The following KDM4C variants were observed in gnomAD, a reference collection of about 807,000 sequenced individuals.
The protein encoded by KDM4C is lysine-specific demethylase 4C.
A neutral mutation model predicts 129.3 loss-of-function variants in KDM4C; 81 were observed. The observed-to-expected ratio is 0.63, with a 90% confidence interval of 0.52 to 0.75. The LOEUF (loss-of-function observed/expected upper bound fraction) is 0.75. Among genes scored for constraint, KDM4C ranks in the 30% least tolerant of loss-of-function variants. The pLI is 0.00. For missense variants in KDM4C, 1,457 were observed against 1,304.0 expected (o/e 1.12, Z -1.81); for synonymous variants, 573 against 456.1 (o/e 1.26, Z -3.26).
At position 6,724,510 on chromosome 9, in the gene KDM4C, G is replaced by A. The variant is rs143870594; in HGVS notation, c.49+3513G>A. Among the ~76,000 whole-genome samples the A allele has an allele frequency of 1.8e-3, 273 of 152,044 alleles. 1 individual carries two copies. The highest frequency in any genetic ancestry group is 6.3e-3 in the African/African-American group (262 of 41,432). On this transcript the variant is annotated intron_variant, in intron 1 of 17. Coordinates refer to the KDM4C transcript ENST00000536108. ...GGTATATCCAAGAAAGAAGTAAACT[G>A]GACATATTATTATTATTGTTATTAT...
chr9:6,991,775 C>G (rs930921428), intron 12 of KDM4C, among the ~76,000 whole-genome samples: 1 of 152,174 alleles, frequency 6.6e-6, no homozygotes, highest in African/African-American at 2.4e-5. Flanking sequence ...GTGGCTGACT[C>G]CTGCAGTCCC....
In KDM4C at chr9:6,836,407, T is replaced by G. The variant is rs184701496; in HGVS notation, c.436-13100T>G. Among the ~76,000 whole-genome samples the G allele has an allele frequency of 8.4e-3, 1,282 of 152,298 alleles. 10 individuals are homozygous for G. Among genetic ancestry groups the G allele is most frequent in the South Asian group, 0.013 (62 of 4,826 alleles). ...ATAAATAAATCAGCTTGTTGAAATCTTAATATTTGATTTATATATGTACAA... is the reference window on the plus strand; with the variant it reads ...ATAAATAAATCAGCTTGTTGAAATCGTAATATTTGATTTATATATGTACAA... On this transcript the variant is annotated intron_variant, in intron 4 of 21. Coordinates refer to ENST00000381309, the MANE Select transcript of KDM4C (RefSeq NM_015061.6).
intron 4 of KDM4C, among the ~76,000 whole-genome samples, chr9:6,826,196 G>A (rs1189712269): frequency 1.4e-5 from 2 of 145,356 alleles, no homozygotes; most frequent in African/African-American, 5.1e-5. Flanking sequence ...TTTTTGCTAT[G>A]CTCGTACTAG....
intron 1 of KDM4C, among the ~76,000 whole-genome samples, chr9:6,724,358 A>AG (rs1474164160): frequency 1.3e-5 from 2 of 152,146 alleles, no homozygotes; most frequent in Non-Finnish European, 2.9e-5. Context: ...TTGGACACTT[A>AG]GACACTAACA....
intron 17 of KDM4C, among the ~76,000 whole-genome samples, chr9:7,079,610 C>T (rs974741787): frequency 5.3e-5 from 8 of 152,346 alleles, no homozygotes; most frequent in Middle Eastern, 3.4e-3. Flanking sequence ...GCGTGAGCCA[C>T]GGCACCCAGC....
Position 6,788,586 on chromosome 9 carries a change from T to C in KDM4C, c.-17-4386T>C, listed in dbSNP as rs190028134. 1.6e-3 allele frequency among the ~76,000 whole-genome samples: 251 copies of C among 152,368 alleles called. 1 individual carries two copies. Among genetic ancestry groups the C allele is most frequent in the Admixed American group, 2.0e-3 (30 of 15,302 alleles). On this transcript the variant is annotated intron_variant, in intron 1 of 21. Transcript: ENST00000381309. The stretch of plus-strand genomic sequence containing the variant: ...TGAATTTGGTATCATTATGTAAATA[T>C]GTTAACAATTTGGCACTTACTCCTT...
At chr9:6,794,661 A>T (rs939325483) in intron 2 of KDM4C, among the ~76,000 whole-genome samples, 8 of 152,282 alleles carry the variant, frequency 5.3e-5, no homozygotes, top group African/African-American at 1.7e-4. Context: ...CAGACCAGTG[A>T]AGATGGGAGA....
chr9:6,954,510 C>G (rs1367426583), intron 8 of KDM4C, among the ~76,000 whole-genome samples: 1 of 152,086 alleles, frequency 6.6e-6, no homozygotes, highest in Non-Finnish European at 1.5e-5. Context: ...TTTTATTTGT[C>G]TGTTCACGAT....
At position 6,820,712 on chromosome 9, in the gene KDM4C, CTCTTTTT is replaced by C. The variant is rs1417412455; in HGVS notation, c.435+5969_435+5975del. On this transcript the variant is annotated intron_variant, in intron 4 of 21. Transcript: ENST00000381309. ...CTTGTGTCTTGATCTCTCTCTCTCT[CTCTTTTT>C]TTTTTTTTTTTTTTTGATAATACTT... is the stretch of plus-strand genomic sequence containing the variant. 4.6e-4 allele frequency among the ~76,000 whole-genome samples: 47 copies of C among 102,558 alleles called. No individual in the cohort carries two copies. The South Asian group carries it at 7.1e-3, about 16-fold the overall frequency. 67.3% of individuals were successfully genotyped at this position (102,558 alleles called of 152,430 possible). A position where few individuals can be genotyped will look rare whatever the true frequency, so the allele number is the denominator to read the frequency against.
Position 6,793,272 on chromosome 9 carries a change from T to G in KDM4C, c.144+140T>G, listed in dbSNP as rs962624851. 3 of 777,266 alleles carry G rather than the reference T, an allele frequency of 3.9e-6. No homozygotes were observed. The Admixed American group carries it at 8.3e-5, about 21-fold the overall frequency. The allele number at this position is 777,266 out of a possible 1,614,324, so 48.1% of individuals were successfully genotyped here. A position where few individuals can be genotyped will look rare whatever the true frequency, so the allele number is the denominator to read the frequency against. ...TTCTCGTTAATCCATGTGAAACATTTGATTTCTTCAAATAGTAATTGTCTT... is the reference window on the plus strand; with the variant it reads ...TTCTCGTTAATCCATGTGAAACATTGGATTTCTTCAAATAGTAATTGTCTT... On this transcript the variant is annotated intron_variant, in intron 2 of 21. Transcript: ENST00000381309.
rs1206853030 is a variant in KDM4C, at chr9:6,732,076, A to ATGAGGC, written c.49+11082_49+11087dup. ...CACCTAAAATCAAATAGATCAAAGA[A>ATGAGGC]TGAGGCTGGGGCTGGGTGTGGTGGC... is the stretch of plus-strand genomic sequence containing the variant. On this transcript the variant is annotated intron_variant, in intron 1 of 17. Coordinates refer to the KDM4C transcript ENST00000536108. Among the ~76,000 whole-genome samples the ATGAGGC allele has an allele frequency of 2.6e-5, 4 of 152,168 alleles. No individual in the cohort carries two copies. The East Asian group carries it at 7.7e-4, about 29-fold the overall frequency.
intron 4 of KDM4C, chr9:6,835,461 C>G: frequency 4.6e-6 from 6 of 1,293,598 alleles, no homozygotes; most frequent in Admixed American, 3.4e-5. Flanking sequence ...AGCTCAAGCA[C>G]TCTGTGTGGA....
intron 17 of KDM4C, among the ~76,000 whole-genome samples, chr9:7,056,329 G>C (rs80106237): frequency 7.1e-6 from 1 of 140,188 alleles, no homozygotes; most frequent in Non-Finnish European, 1.5e-5. Context: ...AGCTTTGTAA[G>C]GTTTTTAAAT....
At chr9:7,145,413 G>A (rs1030017825) in intron 19 of KDM4C, among the ~76,000 whole-genome samples, 1 of 152,134 alleles carries the variant, frequency 6.6e-6, no homozygotes, top group African/African-American at 2.4e-5. Context: ...GGGGTGCTGC[G>A]TAGGTGAGAC....
At chr9:7,143,911 T>A (rs998149965) in intron 19 of KDM4C, among the ~76,000 whole-genome samples, 1 of 152,226 alleles carries the variant, frequency 6.6e-6, no homozygotes. Flanking sequence ...TGGTTAACTT[T>A]ATGCATTTAC....
intron 8 of KDM4C, among the ~76,000 whole-genome samples, chr9:6,915,440 G>T (rs1460965809): frequency 6.6e-6 from 1 of 152,166 alleles, no homozygotes; most frequent in Admixed American, 6.5e-5. Context: ...GGAGATGCCT[G>T]CCACTTTGAG....
intron 8 of KDM4C, among the ~76,000 whole-genome samples, chr9:6,928,611 T>A (rs952829646): frequency 6.6e-5 from 10 of 151,470 alleles, no homozygotes; most frequent in South Asian, 4.2e-4. Flanking sequence ...TTTTTTTTTT[T>A]AATAATAATG....
At chr9:7,119,828 C>T (rs1462579285) in intron 18 of KDM4C, among the ~76,000 whole-genome samples, 2 of 152,124 alleles carry the variant, frequency 1.3e-5, no homozygotes, top group Non-Finnish European at 2.9e-5. Flanking sequence ...CCTCCTGGTT[C>T]AGATGTTTAC....
intron 15 of KDM4C, among the ~76,000 whole-genome samples, chr9:7,016,874 C>T (rs1823794235): frequency 6.6e-6 from 1 of 152,084 alleles, no homozygotes; most frequent in Admixed American, 6.5e-5. Context: ...ATAAGTATTT[C>T]AAGTAACAGT....
Sources: gnomAD v4.1 joint callset for allele counts (sites outside exome capture counted in the v4.1 genomes callset) on GRCh38, gnomAD v4.1.1 for gene constraint, MANE v1.5 for transcripts, NCBI Gene and HGNC (gene_info 2026-07-23, HGNC 2026-07-21) for gene names.